Variants in ADCK2 observed in about 807,000 individuals in gnomAD.
ADCK2 encodes the protein uncharacterized aarF domain-containing protein kinase 2.
ADCK2 carries 37 observed loss-of-function variants against 52.3 expected under a neutral mutation model. That is an observed-to-expected ratio of 0.71 (90% CI 0.54 to 0.93). The LOEUF (loss-of-function observed/expected upper bound fraction) is 0.93, where lower values mean the gene tolerates loss of function less well. Ranked by LOEUF, ADCK2 falls within the 40% of genes least tolerant of loss-of-function variation. The pLI is 0.00. For missense variants in ADCK2, 695 were observed against 798.7 expected, an observed-to-expected ratio of 0.87 and a Z score of 1.56; for synonymous variants, 321 against 349.2, an observed-to-expected ratio of 0.92 and a Z score of 0.90.
intron 3 of ADCK2, among the ~76,000 whole-genome samples, chr7:140,679,807 C>T (rs1052496598): frequency 1.3e-5 from 2 of 150,606 alleles, no homozygotes; most frequent in African/African-American, 2.4e-5. Flanking sequence ...CAAGTAGCTG[C>T]GATTACAGGT....
rs1186946261 is a variant in ADCK2, at chr7:140,678,598, C to T, written c.1081-557C>T. Among the ~76,000 whole-genome samples, 11 of 152,124 alleles carry T rather than the reference C, an allele frequency of 7.2e-5. No homozygotes were observed. Among genetic ancestry groups the T allele is most frequent in the Admixed American group, 2.0e-4 (3 of 15,274 alleles). ...GCAGGTGCCGGGGGAAGAGCCATCA[C>T]GGAGAGACAGGTCAGCAGCGGCACC... On this transcript the variant is annotated intron_variant, in intron 2 of 7. Transcript: ENST00000072869. This position sits in a 1 kb window ranked among gnomAD's most constrained non-coding sequence, Gnocchi z 4.9.
In ADCK2 at chr7:140,689,729, G is replaced by C. The variant is rs1794672348; in HGVS notation, c.1686+4G>C. On this transcript the variant is annotated splice_donor_region_variant and intron_variant, in intron 6 of 7. Transcript: ENST00000072869. Reference sequence around the variant, plus strand: ...GAACACCATCACCCTGGAGAAGGTGGGCAGGTCACTTGCGGAACAGGGGCT... The same window carrying C: ...GAACACCATCACCCTGGAGAAGGTGCGCAGGTCACTTGCGGAACAGGGGCT... The C allele has an allele frequency of 6.2e-7, 1 of 1,609,604 alleles. No homozygotes were observed. Among genetic ancestry groups the C allele is most frequent in the Non-Finnish European group, 8.5e-7 (1 of 1,177,392 alleles).
intron 6 of ADCK2, 87 bp downstream of exon 6, chr7:140,689,812 T>C: frequency 7.4e-7 from 1 of 1,348,874 alleles, no homozygotes; most frequent in Non-Finnish European, 9.7e-7. Flanking sequence ...GAGACCTCTT[T>C]ATGAGGGGTG....
intron 2 of ADCK2, among the ~76,000 whole-genome samples, chr7:140,677,990 T>C (rs528482624): frequency 2.0e-5 from 3 of 152,116 alleles, no homozygotes; most frequent in Admixed American, 2.0e-4. Context: ...GAGATGGACC[T>C]GGACAGAGAA....
At position 140,691,587 on chromosome 7, in the gene ADCK2, A is replaced by G. The variant is rs1006668762; in HGVS notation, c.1740+774A>G. The stretch of plus-strand genomic sequence containing the variant: ...TAGTCCATTAGAGGGAGCTGGCCTC[A>G]TGGTTCATCTTAGCCTGTGCCCCGG... On this transcript the variant is annotated intron_variant, in intron 7 of 7. Coordinates refer to ENST00000072869, the MANE Select transcript of ADCK2 (RefSeq NM_052853.4). Among the ~76,000 whole-genome samples the G allele has an allele frequency of 1.2e-4, 18 of 152,190 alleles. No homozygotes were observed. The Middle Eastern group carries it at 0.01, about 86-fold the overall frequency.
intron 5 of ADCK2, 126 bp downstream of exon 5, chr7:140,687,367 C>T: frequency 1.5e-6 from 2 of 1,322,586 alleles, no homozygotes; most frequent in Non-Finnish European, 2.0e-6. Context: ...ATTGCTTGAG[C>T]CCAGGAGTTC....
In ADCK2 at chr7:140,673,746, A is replaced by T. The variant is rs1801678941; in HGVS notation, c.416A>T (p.Glu139Val). The T allele has an allele frequency of 6.2e-7, 1 of 1,612,778 alleles. No individual in the cohort carries two copies. Among genetic ancestry groups the T allele is most frequent in the Non-Finnish European group, 8.5e-7 (1 of 1,179,938 alleles). ...LWLHLLLKAT[E>V]TSGPTYIKLG... ...CTCCACCTGCTTCTGAAAGCCACCG[A>T]GACCTCAGGCCCAACCTACATCAAA... The change falls in exon 1 of 8, where the codon GAG (glutamate) becomes GTG (valine). Residue 139 changes from glutamate to valine, a missense_variant. Transcript: ENST00000072869. This position sits in a 1 kb window ranked among gnomAD's most constrained non-coding sequence, Gnocchi z 6.4.
chr7:140,678,102 T>C lies in ADCK2; in HGVS notation c.1081-1053T>C, dbSNP rs1794451001. Among the ~76,000 whole-genome samples the C allele has an allele frequency of 6.6e-6, 1 of 152,084 alleles. No individual in the cohort carries two copies. Among genetic ancestry groups the C allele is most frequent in the Non-Finnish European group, 1.5e-5 (1 of 68,016 alleles). On this transcript the variant is annotated intron_variant, in intron 2 of 7. Coordinates refer to ENST00000072869, the MANE Select transcript of ADCK2 (RefSeq NM_052853.4). The surrounding 1 kb of genome is among the most constrained non-coding windows in gnomAD (Gnocchi z 4.9). ...AGGAAGGATGGGTCAAGGAGCACAC[T>C]CGAGGCACCTCTGTTTGTGCTCAGG...
intron 3 of ADCK2, 68 bp from the exon 4 acceptor site, chr7:140,680,974 C>T (rs1175782349): frequency 4.9e-6 from 7 of 1,417,474 alleles, no homozygotes; most frequent in Middle Eastern, 1.8e-4. Context: ...TGTGGTGCCA[C>T]GTGGGAGGAG....
At position 140,678,601 on chromosome 7, in the gene ADCK2, A is replaced by G. The variant is rs1794463190; in HGVS notation, c.1081-554A>G. Among the ~76,000 whole-genome samples, 1 of 152,148 alleles carries G rather than the reference A, an allele frequency of 6.6e-6. No individual in the cohort carries two copies. Among genetic ancestry groups the G allele is most frequent in the South Asian group, 2.1e-4 (1 of 4,824 alleles). On this transcript the variant is annotated intron_variant, in intron 2 of 7. Transcript: ENST00000072869. This position sits in a 1 kb window ranked among gnomAD's most constrained non-coding sequence, Gnocchi z 4.9. ...GGTGCCGGGGGAAGAGCCATCACGG[A>G]GAGACAGGTCAGCAGCGGCACCAGC...
chr7:140,685,181 G>A (rs1794584783), intron 4 of ADCK2, among the ~76,000 whole-genome samples: 1 of 152,170 alleles, frequency 6.6e-6, no homozygotes, highest in Non-Finnish European at 1.5e-5. Flanking sequence ...AGGCATGGTG[G>A]CTCACTCCTG....
At position 140,673,623 on chromosome 7, in the gene ADCK2, G is replaced by T; in HGVS notation, c.293G>T (p.Arg98Leu). The T allele has an allele frequency of 1.9e-6, 3 of 1,609,426 alleles. No homozygotes were observed. Among genetic ancestry groups the T allele is most frequent in the Non-Finnish European group, 1.7e-6 (2 of 1,179,948 alleles). The change falls in exon 1 of 8, where the codon CGC becomes CTC. Residue 98 changes from arginine to leucine, a missense_variant. Physicochemically the swap from Arg to Leu is moderately radical, Grantham distance 102. Transcript: ENST00000072869. The surrounding 1 kb of genome is among the most constrained non-coding windows in gnomAD (Gnocchi z 6.4). ...CTGGGCGGCGTCTTCCTGCATCTCC[G>T]CCTCTGGCTTCGCGCCGGCGCTCTG... is the stretch of plus-strand genomic sequence containing the variant. ...GPLGGVFLHL[R>L]LWLRAGALLV...
Position 140,693,089 on chromosome 7 carries a change from C to A in ADCK2, c.1741-1574C>A, listed in dbSNP as rs949107215. Among the ~76,000 whole-genome samples the A allele has an allele frequency of 6.6e-6, 1 of 152,190 alleles. No homozygotes were observed. The highest frequency in any genetic ancestry group is 1.9e-4 in the East Asian group (1 of 5,202). On this transcript the variant is annotated intron_variant, in intron 7 of 7. Coordinates refer to ENST00000072869, the MANE Select transcript of ADCK2 (RefSeq NM_052853.4). The surrounding 1 kb of genome is among the most constrained non-coding windows in gnomAD (Gnocchi z 4.0). ...TCTACTGATTCATGATGTTGAACAT[C>A]TTTTCATATGCCAATTGGCCATTTG...
chr7:140,680,073 C>T (rs1794490251), intron 3 of ADCK2, among the ~76,000 whole-genome samples: 6 of 152,138 alleles, frequency 3.9e-5, no homozygotes, highest in African/African-American at 1.4e-4. Context: ...GAGCAAGTTG[C>T]TTAACCTCTC....
chr7:140,695,048 G>T lies in ADCK2; in HGVS notation c.*245G>T. On this transcript the variant is annotated 3_prime_UTR_variant, in exon 8 of 8. Coordinates refer to ENST00000072869, the MANE Select transcript of ADCK2 (RefSeq NM_052853.4). ...ATTGTGGAAGCTGGGCCAGGTGCCA[G>T]GGACACTCTCCTTCAGGGAAAATGT... The T allele has an allele frequency of 8.0e-7, 1 of 1,242,636 alleles. No homozygotes were observed. Among genetic ancestry groups the T allele is most frequent in the Non-Finnish European group, 1.0e-6 (1 of 993,668 alleles). 77.0% of individuals were successfully genotyped at this position (1,242,636 alleles called of 1,614,324 possible).
At chr7:140,692,234 C>T (rs1200594402) in intron 7 of ADCK2, among the ~76,000 whole-genome samples, 2 of 152,136 alleles carry the variant, frequency 1.3e-5, no homozygotes, top group East Asian at 1.9e-4. Flanking sequence ...TGCTGTTTTA[C>T]GTTTCCATGA....
chr7:140,687,121 C>T lies in ADCK2; in HGVS notation c.1437C>T (p.Ala479=), dbSNP rs774378007. Residue 479 remains alanine (A), a synonymous_variant, in exon 5 of 8, where the codon GCC becomes GCT. Coordinates refer to ENST00000072869, the MANE Select transcript of ADCK2 (RefSeq NM_052853.4). The part of the protein sequence containing the change: ...QADICDTLVV[A]VPSSLCPLRL... ...ACATCTGTGACACTCTGGTGGTGGC[C>T]GTGCCATCTTCCCTCTGCCCGCTGC... 1.7e-5 allele frequency: 27 copies of T among 1,613,674 alleles called. No homozygotes were observed. Among genetic ancestry groups the T allele is most frequent in the Admixed American group, 5.0e-5 (3 of 59,994 alleles).
In ADCK2 at chr7:140,672,997, GC is replaced by G. The variant is rs1446850382; in HGVS notation, c.-331del. Among the ~76,000 whole-genome samples, 1 of 151,062 alleles carries G rather than the reference GC, an allele frequency of 6.6e-6. No homozygotes were observed. The highest frequency in any genetic ancestry group is 1.5e-5 in the Non-Finnish European group (1 of 67,570). On this transcript the variant is annotated 5_prime_UTR_variant, in exon 1 of 8. Coordinates refer to ENST00000072869, the MANE Select transcript of ADCK2 (RefSeq NM_052853.4). ...CTGGGCGCACGGTGACCCTGCGGCT[GC>G]CCGGCCCCTGCCTCCGCCCGCGCGG...
At position 140,674,129 on chromosome 7, in the gene ADCK2, C is replaced by T; in HGVS notation, c.799C>T (p.Leu267Phe). Residue 267 changes from leucine to phenylalanine, a missense_variant, in exon 1 of 8, where the codon CTC becomes TTC. Transcript: ENST00000072869. This position sits in a 1 kb window ranked among gnomAD's most constrained non-coding sequence, Gnocchi z 4.6. Reference sequence around the variant, plus strand: ...AAATGGCCGGAAACCTCCAGAAAATCTCGCAGACCAGTCGTTTCTAGAAAG... The same window carrying T: ...AAATGGCCGGAAACCTCCAGAAAATTTCGCAGACCAGTCGTTTCTAGAAAG... ...LGNGRKPPEN[L>F]ADQSFLERLL... The T allele has an allele frequency of 6.2e-7, 1 of 1,614,148 alleles. No individual in the cohort carries two copies. The highest frequency in any genetic ancestry group is 1.1e-5 in the South Asian group (1 of 91,074).
Sources: gnomAD v4.1 joint callset for allele counts (sites outside exome capture counted in the v4.1 genomes callset) on GRCh38, gnomAD v4.1.1 for gene constraint, Gnocchi (gnomAD v3.1) non-coding constraint, MANE v1.5 for transcripts, NCBI Gene and HGNC (gene_info 2026-07-23, HGNC 2026-07-21) for gene names.